Variants in USP8 observed in about 807,000 individuals in gnomAD.
USP8 encodes the protein ubiquitin specific peptidase 8, also known as ubiquitin carboxyl-terminal hydrolase 8.
Under a neutral mutation model 130.0 loss-of-function variants are expected in USP8, and 27 were observed. The observed-to-expected ratio is 0.21, with a 90% CI of 0.15 to 0.29. USP8 has a LOEUF of 0.29. Among genes scored for constraint, USP8 ranks in the 10% least tolerant of loss-of-function variants. The pLI is 1.00. For missense variants in USP8, 1,029 were observed against 1,312.2 expected (o/e 0.78, Z 3.33); for synonymous variants, 392 against 444.1 (o/e 0.88, Z 1.48).
intron 3 of USP8, among the ~76,000 whole-genome samples, chr15:50,445,169 CT>C (rs778018601): frequency 1.3e-5 from 2 of 152,024 alleles, no homozygotes; most frequent in Non-Finnish European, 2.9e-5. Context: ...ATTTTTTACC[CT>C]TTAGATGAGG....
rs907336988 is a variant in USP8 at position 50,512,798 on chromosome 15, A to G, written c.*13710A>G. On this transcript the variant is annotated 3_prime_UTR_variant, in exon 20 of 20. Coordinates refer to ENST00000307179, the MANE Select transcript of USP8 (RefSeq NM_005154.5). ...CAGAGCCAGACTCTGTCTCAAAAAC[A>G]AACAAAACAAAAACAACAAAAAACA... The G allele has an allele frequency of 2.0e-5, 2 of 102,448 alleles. No homozygotes were observed. The highest frequency in any genetic ancestry group is 1.3e-3 in the East Asian group (2 of 1,524). 6.3% of individuals were successfully genotyped at this position (102,448 alleles called of 1,614,324 possible). A position where few individuals can be genotyped will look rare whatever the true frequency, so the allele number is the denominator to read the frequency against.
rs369624572 is a variant in USP8, at chr15:50,433,896, T to C, written c.-65-5113T>C. On this transcript the variant is annotated intron_variant, in intron 1 of 19. Transcript: ENST00000307179. ...TTGGGATTACAGGCGTGAGCCACTG[T>C]GCACGGCTGCATTTTCTCTTTGTTA... is the stretch of plus-strand genomic sequence containing the variant. Among the ~76,000 whole-genome samples the C allele has an allele frequency of 5.3e-5, 8 of 152,348 alleles. No homozygotes were observed. In the South Asian group the frequency reaches 6.2e-4, roughly 12 times the overall value.
chr15:50,479,777 TG>T (rs554183209), intron 10 of USP8, among the ~76,000 whole-genome samples: 1,524 of 152,148 alleles, frequency 0.01, 9 homozygotes, highest in Non-Finnish European at 0.016. Flanking sequence ...CTTTTTTTTT[TG>T]AAAACGGTCT....
At chr15:50,440,408 T>C (rs1478087640) in intron 2 of USP8, among the ~76,000 whole-genome samples, 2 of 152,144 alleles carry the variant, frequency 1.3e-5, no homozygotes, top group Non-Finnish European at 2.9e-5. Context: ...ATAATGAAAT[T>C]TGCTTTATCA....
chr15:50,477,999 A>G (rs1386111148), intron 10 of USP8, among the ~76,000 whole-genome samples: 4 of 152,320 alleles, frequency 2.6e-5, no homozygotes, highest in Non-Finnish European at 4.4e-5. Flanking sequence ...CCACGCCTAT[A>G]TTAGAGTAGA....
In USP8 at chr15:50,481,756, A is replaced by G. The variant is rs2051780510; in HGVS notation, c.1494A>G (p.Glu498=). The part of the protein sequence containing the change: ...EEQKEKLRKE[E]QEQKAKKKQE... ...AGAAAGAGAAACTGAGGAAGGAAGA[A>G]CAAGAACAAAAAGCCAAAAAGAAAC... The change falls in exon 11 of 20, where the codon GAA becomes GAG. Residue 498 remains glutamate (E), a synonymous_variant. Transcript: ENST00000307179. 6.3e-7 allele frequency: 1 copy of G among 1,589,732 alleles called. No individual in the cohort carries two copies. The highest frequency in any genetic ancestry group is 1.4e-5 in the African/African-American group (1 of 73,438).
At chr15:50,439,793 T>C (rs1032596390) in intron 2 of USP8, among the ~76,000 whole-genome samples, 32 of 78,748 alleles carry the variant, frequency 4.1e-4, no homozygotes, top group Middle Eastern at 6.0e-3. Flanking sequence ...TCTGTCTCAA[T>C]AATAATAATA....
chr15:50,441,443 G>A lies in USP8; in HGVS notation c.199G>A (p.Val67Met), dbSNP rs201994026. 5.6e-5 allele frequency: 90 copies of A among 1,598,666 alleles called. No individual in the cohort carries two copies. The highest frequency in any genetic ancestry group is 1.8e-4 in the East Asian group (8 of 44,288). The change falls in exon 3 of 20, where the codon GTG (valine) becomes ATG (methionine). Residue 67 changes from valine to methionine, a missense_variant. By Grantham distance (21) the Val-to-Met change is conservative. Coordinates refer to ENST00000307179, the MANE Select transcript of USP8 (RefSeq NM_005154.5). The part of the protein sequence containing the change: ...ERAYVLYMKY[V>M]TVYNLIKKRP... ...GGCCTATGTACTATATATGAAATAC[G>A]TGACTGTTTATAATCTTATCAAAAA...
At chr15:50,482,813 A>G (rs1179527507) in intron 11 of USP8, among the ~76,000 whole-genome samples, 1 of 152,222 alleles carries the variant, frequency 6.6e-6, no homozygotes, top group African/African-American at 2.4e-5. Context: ...TAGTGTGGAA[A>G]TGACTTCTAA....
At chr15:50,461,679 C>G (rs1467033226) in intron 5 of USP8, among the ~76,000 whole-genome samples, 1 of 151,826 alleles carries the variant, frequency 6.6e-6, no homozygotes, top group Non-Finnish European at 1.5e-5. Flanking sequence ...ATAGCAAAAC[C>G]CCATCTCTAC....
intron 4 of USP8, among the ~76,000 whole-genome samples, chr15:50,451,716 G>C (rs1249306774): frequency 6.6e-6 from 1 of 152,176 alleles, no homozygotes; most frequent in Admixed American, 6.5e-5. Flanking sequence ...GCAACCCTGT[G>C]TGAACATATC....
rs7170220 is a variant in USP8 at position 50,496,540 on chromosome 15, A to T, written c.2895+456A>T. Among the ~76,000 whole-genome samples, 434 of 151,894 alleles carry T rather than the reference A, an allele frequency of 2.9e-3. 3 individuals carry two copies. Among genetic ancestry groups the T allele is most frequent in the African/African-American group, 0.01 (425 of 41,440 alleles). On this transcript the variant is annotated intron_variant, in intron 17 of 19. Coordinates refer to ENST00000307179, the MANE Select transcript of USP8 (RefSeq NM_005154.5). The stretch of plus-strand genomic sequence containing the variant: ...AACTCAATATAAATTCTGTTTTATA[A>T]TTAGGCCTATGTAGATTAGAAAGAA...
At chr15:50,478,564 A>G (rs1034019544) in intron 10 of USP8, among the ~76,000 whole-genome samples, 3 of 152,198 alleles carry the variant, frequency 2.0e-5, no homozygotes, top group Admixed American at 2.0e-4. Flanking sequence ...GTATTGCAGA[A>G]TAAATTGCAG....
chr15:50,470,545 T>G (rs146791916), intron 7 of USP8, among the ~76,000 whole-genome samples: 57 of 150,510 alleles, frequency 3.8e-4, no homozygotes, highest in Non-Finnish European at 5.9e-4. Context: ...TAGTTAGAGA[T>G]GAGGACATTG....
At chr15:50,482,302 C>T (rs2051802941) in intron 11 of USP8, among the ~76,000 whole-genome samples, 1 of 152,088 alleles carries the variant, frequency 6.6e-6, no homozygotes, top group African/African-American at 2.4e-5. Context: ...CTATAAAATG[C>T]AATATATTTC....
chr15:50,451,182 C>T (rs944726769), intron 4 of USP8, among the ~76,000 whole-genome samples: 3 of 152,014 alleles, frequency 2.0e-5, no homozygotes, highest in Admixed American at 6.6e-5. Context: ...CCCAGGCGGG[C>T]GGATTACTTG....
intron 4 of USP8, 125 bp from the exon 5 acceptor site, chr15:50,458,875 G>A: frequency 9.0e-7 from 1 of 1,116,266 alleles, no homozygotes; most frequent in Non-Finnish European, 1.3e-6. Flanking sequence ...GAATTGTGGT[G>A]GAGGGAGAAA....
At chr15:50,480,672 A>G (rs3098173) in intron 10 of USP8, among the ~76,000 whole-genome samples, 2 of 152,290 alleles carry the variant, frequency 1.3e-5, no homozygotes, top group Admixed American at 6.5e-5. Flanking sequence ...ATACACAGCC[A>G]TATGACTGGA....
intron 4 of USP8, among the ~76,000 whole-genome samples, chr15:50,453,172 G>A (rs1038240184): frequency 1.3e-5 from 2 of 152,164 alleles, no homozygotes; most frequent in Non-Finnish European, 2.9e-5. Context: ...CATTATCCCT[G>A]GTTATTGCCT....
Sources: allele counts gnomAD v4.1 joint callset (sites outside exome capture counted in the v4.1 genomes callset), GRCh38; gene constraint gnomAD v4.1.1; transcripts MANE v1.5; gene names NCBI Gene and HGNC (gene_info 2026-07-23, HGNC 2026-07-21).